The following MIA2 variants were observed in gnomAD, a reference collection of about 807,000 sequenced individuals.
MIA2 encodes MIA SH3 domain ER export factor 2.
Under a neutral mutation model 167.8 loss-of-function variants are expected in MIA2, and 127 were observed. That is an observed-to-expected ratio of 0.76 (90% CI 0.66 to 0.88). MIA2 has a LOEUF of 0.88. MIA2 is among the 40% of genes least tolerant of loss of function. The probability of loss-of-function intolerance (pLI) is 0.00; values close to 1 mark genes in which losing one functional copy is unlikely to be tolerated. For synonymous variants in MIA2, 552 were observed against 541.9 expected (o/e 1.02, Z -0.26); for missense variants, 1,690 against 1,624.7 (o/e 1.04, Z -0.69).
At chr14:39,326,223 T>G (rs965985341) in intron 24 of MIA2, among the ~76,000 whole-genome samples, 2 of 152,260 alleles carry the variant, frequency 1.3e-5, no homozygotes, top group African/African-American at 4.8e-5. Flanking sequence ...TTCTTTTGAA[T>G]GTGAATTTGA....
chr14:39,241,518 A>C (rs1296673959), intron 3 of MIA2, among the ~76,000 whole-genome samples: 1 of 152,144 alleles, frequency 6.6e-6, no homozygotes, highest in East Asian at 1.9e-4. Flanking sequence ...CAGTGGTACA[A>C]TCAAACTGTA....
Position 39,247,671 on chromosome 14 carries a change from T to C in MIA2, c.1097T>C (p.Ile366Thr), listed in dbSNP as rs771046435. 4 of 1,611,020 alleles carry C rather than the reference T, an allele frequency of 2.5e-6. No homozygotes were observed. Among genetic ancestry groups the C allele is most frequent in the Non-Finnish European group, 3.4e-6 (4 of 1,179,252 alleles). The change falls in exon 4 of 29, where the codon ATC becomes ACC. Residue 366 changes from isoleucine to threonine, a missense_variant. Physicochemically the swap from Ile to Thr is moderately conservative, Grantham distance 89. Transcript: ENST00000640607. ...TEILTEKKDT[I>T]TNDSLSLKPS... ...ATATTAACAGAAAAAAAAGACACAATCACTAATGATAGCTTGAGTCTCAAG... is the reference window on the plus strand; with the variant it reads ...ATATTAACAGAAAAAAAAGACACAACCACTAATGATAGCTTGAGTCTCAAG...
chr14:39,263,114 C>T (rs2055207751), intron 6 of MIA2, among the ~76,000 whole-genome samples: 1 of 152,132 alleles, frequency 6.6e-6, no homozygotes, highest in African/African-American at 2.4e-5. Context: ...GGGAATGCTT[C>T]CAGTTTTTGC....
chr14:39,300,957 C>CACACATATATATACACACATATATACAT (rs1566818226), intron 14 of MIA2, among the ~76,000 whole-genome samples: 5 of 141,706 alleles, frequency 3.5e-5, no homozygotes, highest in South Asian at 2.1e-4. Flanking sequence ...TATACACATA[C>CACACATATATATACACACATATATACAT]ATATACACAT....
At chr14:39,278,731 ATTAT>A (rs1179761045) in intron 7 of MIA2, among the ~76,000 whole-genome samples, 2 of 152,200 alleles carry the variant, frequency 1.3e-5, no homozygotes, top group Non-Finnish European at 2.9e-5. Context: ...GCTTCTTGAA[ATTAT>A]TTTTTTAGGG....
chr14:39,318,523 G>C (rs2065883330), intron 22 of MIA2, among the ~76,000 whole-genome samples: 1 of 152,108 alleles, frequency 6.6e-6, no homozygotes, highest in Non-Finnish European at 1.5e-5. Context: ...TCTTCCTAGA[G>C]TGTTATAATT....
intron 23 of MIA2, among the ~76,000 whole-genome samples, chr14:39,363,220 T>A (rs2074731679): frequency 6.6e-6 from 1 of 152,238 alleles, no homozygotes; most frequent in Non-Finnish European, 1.5e-5. Context: ...CTATTTGGTC[T>A]AAAGTACAGT....
At chr14:39,367,587 G>C (rs2074849615) in intron 23 of MIA2, among the ~76,000 whole-genome samples, 1 of 152,222 alleles carries the variant, frequency 6.6e-6, no homozygotes, top group Non-Finnish European at 1.5e-5. Flanking sequence ...TCCTACACTG[G>C]AGAGCCTCTT....
intron 23 of MIA2, chr14:39,386,300 A>C: frequency 6.7e-7 from 1 of 1,484,132 alleles, no homozygotes; most frequent in Non-Finnish European, 9.4e-7. Flanking sequence ...TCTGGCCTCC[A>C]AAGTGACTGT....
chr14:39,358,258 A>G (rs1268917822), intron 23 of MIA2, among the ~76,000 whole-genome samples: 1 of 152,012 alleles, frequency 6.6e-6, no homozygotes, highest in Non-Finnish European at 1.5e-5. Flanking sequence ...GTTTCTTTTT[A>G]TTCTTTTTTC....
At chr14:39,382,135 A>C (rs2075177942) in intron 23 of MIA2, among the ~76,000 whole-genome samples, 1 of 152,248 alleles carries the variant, frequency 6.6e-6, no homozygotes, top group Admixed American at 6.5e-5. Flanking sequence ...TCAGGGAAGC[A>C]GGAAAACTCA....
At chr14:39,349,980 C>G in intron 28 of MIA2, 118 bp from the exon 29 acceptor site, 2 of 472,778 alleles carry the variant, frequency 4.2e-6, no homozygotes, top group Non-Finnish European at 7.7e-6. Flanking sequence ...AAGTAATTAT[C>G]TAGTGTCAAT....
At chr14:39,272,075 C>T (rs940432528) in intron 6 of MIA2, among the ~76,000 whole-genome samples, 10 of 151,336 alleles carry the variant, frequency 6.6e-5, no homozygotes, top group South Asian at 2.1e-4. Flanking sequence ...ATTAGGAGGC[C>T]GGGTGCGGTG....
chr14:39,357,959 G>A (rs1321527763), intron 23 of MIA2, among the ~76,000 whole-genome samples: 5 of 152,124 alleles, frequency 3.3e-5, no homozygotes, highest in African/African-American at 4.8e-5. Flanking sequence ...TGGGTAACCC[G>A]ACCTTTCTCT....
intron 9 of MIA2, among the ~76,000 whole-genome samples, chr14:39,280,680 C>T (rs1380283811): frequency 3.9e-5 from 6 of 151,962 alleles, no homozygotes; most frequent in East Asian, 1.9e-4. Context: ...TGCAGTGAGC[C>T]GAGATTGTGC....
intron 23 of MIA2, among the ~76,000 whole-genome samples, chr14:39,372,600 TGAGAA>T (rs2074970278): frequency 6.6e-6 from 1 of 152,172 alleles, no homozygotes; most frequent in African/African-American, 2.4e-5. Flanking sequence ...TATGTTTAGT[TGAGAA>T]GAGGAATCTA....
At chr14:39,364,440 T>C (rs1364183650) in intron 23 of MIA2, among the ~76,000 whole-genome samples, 1 of 152,074 alleles carries the variant, frequency 6.6e-6, no homozygotes, top group Non-Finnish European at 1.5e-5. Context: ...TGTTGGTTTT[T>C]TTTTTGTTTT....
At chr14:39,267,528 C>T (rs762013883) in intron 6 of MIA2, 12 of 1,613,158 alleles carry the variant, frequency 7.4e-6, no homozygotes, top group Non-Finnish European at 9.3e-6. Flanking sequence ...GCAGGGTGAG[C>T]CCAGGCGCGA....
chr14:39,306,448 C>CTT (rs1028926790), intron 17 of MIA2, among the ~76,000 whole-genome samples: 12 of 152,034 alleles, frequency 7.9e-5, no homozygotes, highest in African/African-American at 2.9e-4. Flanking sequence ...GTGTTACACA[C>CTT]TTTAAAACAA....
Sources: gnomAD v4.1 joint callset for allele counts (sites outside exome capture counted in the v4.1 genomes callset) on GRCh38, gnomAD v4.1.1 for gene constraint, MANE v1.5 for transcripts, NCBI Gene and HGNC (gene_info 2026-07-23, HGNC 2026-07-21) for gene names.